Variants in AMIGO3 observed in about 807,000 individuals in gnomAD.
AMIGO3 encodes adhesion molecule with Ig like domain 3, also known as amphoterin-induced protein 3.
Under a neutral mutation model 4.3 loss-of-function variants are expected in AMIGO3, and 6 were observed. That is an observed-to-expected ratio of 1.39 (90% CI 0.76 to 2.75). The LOEUF (loss-of-function observed/expected upper bound fraction) is 2.75, where lower values mean the gene tolerates loss of function less well. Ranked by LOEUF, AMIGO3 falls within the 30% of genes most tolerant of loss-of-function variation. The pLI is 0.00. For synonymous variants in AMIGO3, 315 were observed against 320.0 expected (o/e 0.98, Z 0.17); for missense variants, 771 against 692.1 (o/e 1.11, Z -1.28).
In AMIGO3 at chr3:49,719,126, G is replaced by C. The variant is rs1222410726; in HGVS notation, c.340C>G (p.Leu114Val). 6.2e-7 allele frequency: 1 copy of C among 1,613,536 alleles called. No individual in the cohort carries two copies. The highest frequency in any genetic ancestry group is 1.7e-5 in the Admixed American group (1 of 60,028). Residue 114 changes from leucine (L) to valine (V), a missense_variant, in exon 1 of 1, where the codon CTC (leucine) becomes GTC (valine). Coordinates refer to ENST00000320431, the MANE Select transcript of AMIGO3 (RefSeq NM_198722.3). ...VFVNASGLRL[L>V]DLSSNTLRAL... ...CGCAACGTGTTAGATGATAGATCGA[G>C]CAGCCTCAGGCCGCTGGCGTTGACG... is the stretch of plus-strand genomic sequence containing the variant.
At position 49,718,694 on chromosome 3, in the gene AMIGO3, C is replaced by T. The variant is rs1344328039; in HGVS notation, c.772G>A (p.Ala258Thr). ...TGCTGGAAGAAGCGCACGCGGGACG[C>T]GGGTACCTTGAAGGCCAAGCATACG... Reference protein sequence around the residue: ...EYVCLAFKVPASRVRFFQHSR... With the variant: ...EYVCLAFKVPTSRVRFFQHSR... The change falls in exon 1 of 1, where the codon GCG (alanine) becomes ACG (threonine). Residue 258 changes from alanine to threonine, a missense_variant. Coordinates refer to ENST00000320431, the MANE Select transcript of AMIGO3 (RefSeq NM_198722.3). 20 of 1,612,844 alleles carry T rather than the reference C, an allele frequency of 1.2e-5. No homozygotes were observed. In the Admixed American group the frequency reaches 2.3e-4, roughly 19 times the overall value.
rs1263097862 is a variant in AMIGO3 at position 49,719,499 on chromosome 3, C to G, written c.-34G>C. On this transcript the variant is annotated 5_prime_UTR_variant, in exon 1 of 1. Coordinates refer to ENST00000320431, the MANE Select transcript of AMIGO3 (RefSeq NM_198722.3). ...CCACCAGGGACAGTACAGAGCAGCTCTGTGCAGGTTGCAGTTCCAGGACTC... is the reference window on the plus strand; with the variant it reads ...CCACCAGGGACAGTACAGAGCAGCTGTGTGCAGGTTGCAGTTCCAGGACTC... The G allele has an allele frequency of 1.3e-6, 2 of 1,553,564 alleles. No homozygotes were observed. Among genetic ancestry groups the G allele is most frequent in the Non-Finnish European group, 1.8e-6 (2 of 1,140,900 alleles).
rs1457293957 is a variant in AMIGO3, at chr3:49,718,274, C to T, written c.1192G>A (p.Val398Met). 2 of 1,612,738 alleles carry T rather than the reference C, an allele frequency of 1.2e-6. No homozygotes were observed. Among genetic ancestry groups the T allele is most frequent in the African/African-American group, 1.3e-5 (1 of 74,918 alleles). Residue 398 changes from valine to methionine, a missense_variant, in exon 1 of 1, where the codon GTG becomes ATG. By Grantham distance (21) the Val-to-Met change is conservative. Coordinates refer to ENST00000320431, the MANE Select transcript of AMIGO3 (RefSeq NM_198722.3). Reference protein sequence around the residue: ...LLGCAVGLVLVLLYLFAPPCR... With the variant: ...LLGCAVGLVLMLLYLFAPPCR... ...GGTGGGGCGAACAGGTAGAGCAGCA[C>T]GAGCACAAGGCCCACGGCACAGCCC...
In AMIGO3 at chr3:49,718,733, A is replaced by G; in HGVS notation, c.733T>C (p.Phe245Leu). ...GCCAAGCATACGTACTCGCGCGCAA[A>G]GTCGCGCACGGCGCTCAGGCCCCGC... The part of the protein sequence containing the change: ...HQRGLSAVRD[F>L]AREYVCLAFK... The change falls in exon 1 of 1, where the codon TTT (phenylalanine) becomes CTT (leucine). Residue 245 changes from phenylalanine (F) to leucine (L), a missense_variant. Transcript: ENST00000320431. 1 of 1,613,054 alleles carries G rather than the reference A, an allele frequency of 6.2e-7. No individual in the cohort carries two copies. The highest frequency in any genetic ancestry group is 8.5e-7 in the Non-Finnish European group (1 of 1,179,952).
Sources: allele counts gnomAD v4.1 joint callset, GRCh38; gene constraint gnomAD v4.1.1; transcripts MANE v1.5; gene names NCBI Gene and HGNC (gene_info 2026-07-23, HGNC 2026-07-21).